Variants in VTA1 observed in about 807,000 individuals in gnomAD.
The protein encoded by VTA1 is vesicle trafficking 1, also known as vacuolar protein sorting-associated protein VTA1 homolog.
A neutral mutation model predicts 36.9 loss-of-function variants in VTA1; 24 were observed. That is an observed-to-expected ratio of 0.65 (90% CI 0.47 to 0.91). The LOEUF (loss-of-function observed/expected upper bound fraction) is 0.91, where lower values mean the gene tolerates loss of function less well. Ranked by LOEUF, VTA1 falls within the 40% of genes least tolerant of loss-of-function variation. The probability of loss-of-function intolerance (pLI) is 0.00; values close to 1 mark genes in which losing one functional copy is unlikely to be tolerated. For synonymous variants in VTA1, 142 were observed against 130.2 expected (o/e 1.09, Z -0.62); for missense variants, 393 against 377.2 (o/e 1.04, Z -0.35).
chr6:142,218,024 TGG>T (rs1183780796), intron 7 of VTA1, among the ~76,000 whole-genome samples: 1 of 152,162 alleles, frequency 6.6e-6, no homozygotes, highest in African/African-American at 2.4e-5. Flanking sequence ...AATTTTTACA[TGG>T]ATGGCACAAA....
chr6:142,152,694 T>G (rs1377058444), intron 1 of VTA1, among the ~76,000 whole-genome samples: 2 of 152,182 alleles, frequency 1.3e-5, no homozygotes. Flanking sequence ...TTTGATGTAG[T>G]ATAGAAATCA....
chr6:142,166,801 A>G (rs978748477), intron 2 of VTA1, among the ~76,000 whole-genome samples: 1 of 151,782 alleles, frequency 6.6e-6, no homozygotes, highest in African/African-American at 2.4e-5. Context: ...TTTTTTGTAT[A>G]TTTTGGTAGA....
At position 142,162,966 on chromosome 6, in the gene VTA1, G is replaced by A. The variant is rs1774837422; in HGVS notation, c.113-3262G>A. The stretch of plus-strand genomic sequence containing the variant: ...TGAGGTGGCAGTTTAATTATAGAAT[G>A]GCCACTGAGTGAAAGAGAGCACATA... On this transcript the variant is annotated intron_variant, in intron 1 of 7. Transcript: ENST00000367630. Among the ~76,000 whole-genome samples, 4 of 152,108 alleles carry A rather than the reference G, an allele frequency of 2.6e-5. No individual in the cohort carries two copies. In the South Asian group the frequency reaches 8.3e-4, roughly 31 times the overall value.
intron 2 of VTA1, among the ~76,000 whole-genome samples, chr6:142,166,661 C>T (rs1427078283): frequency 6.6e-6 from 1 of 151,610 alleles, no homozygotes; most frequent in Non-Finnish European, 1.5e-5. Context: ...GTCACCCAGG[C>T]TGGAGTGCAT....
At chr6:142,172,675 T>G (rs376617381) in intron 4 of VTA1, among the ~76,000 whole-genome samples, 1 of 152,204 alleles carries the variant, frequency 6.6e-6, no homozygotes, top group South Asian at 2.1e-4. Flanking sequence ...TCTTCTCTGT[T>G]TTACTAGTGT....
chr6:142,147,313 C>A lies in VTA1; in HGVS notation c.26C>A (p.Pro9Gln), dbSNP rs760204581. The change falls in exon 1 of 8, where the codon CCG becomes CAG. Residue 9 changes from proline (P) to glutamine (Q), a missense_variant. Physicochemically the swap from Pro to Gln is moderately conservative, Grantham distance 76. Coordinates refer to ENST00000367630, the MANE Select transcript of VTA1 (RefSeq NM_016485.5). ...ATGGCCGCGCTTGCACCGCTGCCCC[C>A]GCTCCCCGCACAGTTCAAGAGCATA... The part of the protein sequence containing the change: MAALAPLP[P>Q]LPAQFKSIQH... The A allele has an allele frequency of 6.2e-6, 10 of 1,614,192 alleles. No individual in the cohort carries two copies. Among genetic ancestry groups the A allele is most frequent in the Non-Finnish European group, 8.5e-6 (10 of 1,180,024 alleles).
chr6:142,212,260 A>G (rs1775918343), intron 7 of VTA1, among the ~76,000 whole-genome samples: 1 of 152,242 alleles, frequency 6.6e-6, no homozygotes, highest in Admixed American at 6.5e-5. Context: ...CACAGAAGGA[A>G]CCAAGATTAT....
chr6:142,164,942 T>C (rs1774886239), intron 1 of VTA1, among the ~76,000 whole-genome samples: 4 of 152,150 alleles, frequency 2.6e-5, no homozygotes, highest in African/African-American at 9.7e-5. Context: ...TAAATTCTAG[T>C]TAGGGTACAG....
intron 4 of VTA1, among the ~76,000 whole-genome samples, chr6:142,182,715 G>A (rs1775265397): frequency 6.6e-6 from 1 of 152,120 alleles, no homozygotes; most frequent in African/African-American, 2.4e-5. Context: ...TTTGAACTTG[G>A]AGGAGCTTAT....
chr6:142,147,941 T>C (rs762662117), intron 1 of VTA1, among the ~76,000 whole-genome samples: 3 of 152,222 alleles, frequency 2.0e-5, no homozygotes, highest in Non-Finnish European at 4.4e-5. Flanking sequence ...TCTCCTACCA[T>C]GCAGAATTTT....
At chr6:142,180,459 A>G (rs535679774) in intron 4 of VTA1, among the ~76,000 whole-genome samples, 74 of 152,216 alleles carry the variant, frequency 4.9e-4, no homozygotes, top group Non-Finnish European at 9.4e-4. Flanking sequence ...AAGAGCAGAG[A>G]AGGCTCTTTG....
At chr6:142,207,124 G>C (rs1432153873) in intron 7 of VTA1, among the ~76,000 whole-genome samples, 1 of 152,010 alleles carries the variant, frequency 6.6e-6, no homozygotes, top group Non-Finnish European at 1.5e-5. Context: ...ATAGTTCCTG[G>C]GGCCACAGAG....
At chr6:142,188,105 C>T (rs895281662) in intron 4 of VTA1, among the ~76,000 whole-genome samples, 24 of 150,512 alleles carry the variant, frequency 1.6e-4, no homozygotes, top group South Asian at 6.3e-4. Context: ...GACGGGGTTT[C>T]ACCATATTGG....
chr6:142,155,114 A>G (rs1778639796), intron 1 of VTA1, among the ~76,000 whole-genome samples: 1 of 152,150 alleles, frequency 6.6e-6, no homozygotes, highest in South Asian at 2.1e-4. Context: ...TTTATTAGCT[A>G]GAGTTAAGCA....
intron 1 of VTA1, among the ~76,000 whole-genome samples, chr6:142,158,769 G>A (rs1250194617): frequency 6.6e-6 from 1 of 151,972 alleles, no homozygotes; most frequent in Non-Finnish European, 1.5e-5. Context: ...CCACTGTGAA[G>A]TTACTAGATA....
rs1162412059 is a variant in VTA1, at chr6:142,181,078, G to GAAAAAA, written c.412-8336_412-8331dup. Among the ~76,000 whole-genome samples, 267 of 51,260 alleles carry GAAAAAA rather than the reference G, an allele frequency of 5.2e-3. 9 individuals are homozygous for GAAAAAA. Among genetic ancestry groups the GAAAAAA allele is most frequent in the African/African-American group, 0.017 (247 of 14,392 alleles). The allele number at this position is 51,260 out of a possible 152,430, so 33.6% of individuals were successfully genotyped here. A position where few individuals can be genotyped will look rare whatever the true frequency, so the allele number is the denominator to read the frequency against. The stretch of plus-strand genomic sequence containing the variant: ...CTTCAATTTACTCTTAAATGGTACA[G>GAAAAAA]AAAAAAAAAAAAAAAAATATATATA... On this transcript the variant is annotated intron_variant, in intron 4 of 7. Coordinates refer to ENST00000367630, the MANE Select transcript of VTA1 (RefSeq NM_016485.5).
At chr6:142,198,167 A>G (rs866876686) in intron 5 of VTA1, among the ~76,000 whole-genome samples, 3,191 of 127,258 alleles carry the variant, frequency 0.025, 15 homozygotes, top group Non-Finnish European at 0.039. Context: ...GTGTGTGTAT[A>G]TGTGTGTACA....
chr6:142,153,598 C>T (rs184367313), intron 1 of VTA1, among the ~76,000 whole-genome samples: 24 of 151,982 alleles, frequency 1.6e-4, no homozygotes, highest in African/African-American at 4.8e-4. Context: ...TCCTACATTT[C>T]GAAGTTGGTT....
intron 3 of VTA1, 44 bp downstream of exon 3, chr6:142,169,721 C>G (rs1381194170): frequency 6.9e-7 from 1 of 1,455,554 alleles, no homozygotes; most frequent in Admixed American, 2.9e-5. Flanking sequence ...AATTTTGTAA[C>G]TGTATAACCA....
Sources: allele counts gnomAD v4.1 joint callset (sites outside exome capture counted in the v4.1 genomes callset), GRCh38; gene constraint gnomAD v4.1.1; transcripts MANE v1.5; gene names NCBI Gene and HGNC (gene_info 2026-07-23, HGNC 2026-07-21).